Variants in PITPNM2 observed in about 807,000 individuals in gnomAD.
The protein encoded by PITPNM2 is phosphatidylinositol transfer protein membrane associated 2, also known as membrane-associated phosphatidylinositol transfer protein 2.
PITPNM2 carries 35 observed loss-of-function variants against 132.2 expected under a neutral mutation model. The ratio of observed to expected loss-of-function variants is 0.26; its 90% confidence interval spans 0.20 to 0.35. PITPNM2 has a LOEUF of 0.35. PITPNM2 is among the 10% of genes least tolerant of loss of function. PITPNM2 has a pLI of 1.00. For synonymous variants in PITPNM2, 738 were observed against 799.2 expected, an observed-to-expected ratio of 0.92 and a Z score of 1.29; for missense variants, 1,332 against 1,912.0, an observed-to-expected ratio of 0.70 and a Z score of 5.66.
At position 123,005,576 on chromosome 12, in the gene PITPNM2, G is replaced by C. The variant is rs552984772; in HGVS notation, c.644-28C>G. 29 of 1,598,232 alleles carry C rather than the reference G, an allele frequency of 1.8e-5. 1 individual carries two copies. In the Admixed American group the frequency reaches 3.0e-4, roughly 17 times the overall value. ...GTGCCCCATGGGGATCAGAGAGGGA[G>C]AGACGAGGGGAGGGAGGTCAGCGCA... On this transcript the variant is annotated intron_variant, in intron 6 of 25. Transcript: ENST00000320201. This position sits in a 1 kb window ranked among gnomAD's most constrained non-coding sequence, Gnocchi z 6.2.
Position 122,986,846 on chromosome 12 carries a change from G to A in PITPNM2, c.3414-17C>T, listed in dbSNP as rs374573086. The A allele has an allele frequency of 8.5e-5, 136 of 1,592,854 alleles. No homozygotes were observed. The highest frequency in any genetic ancestry group is 1.6e-4 in the South Asian group (14 of 89,192). On this transcript the variant is annotated splice_polypyrimidine_tract_variant and intron_variant, in intron 23 of 25. Transcript: ENST00000320201. ...TGCCAGTGCCTGGGGGTGAGGTGTCGTCTCATGGTCACCCCTTCCTCCCTC... is the reference window on the plus strand; with the variant it reads ...TGCCAGTGCCTGGGGGTGAGGTGTCATCTCATGGTCACCCCTTCCTCCCTC...
chr12:123,018,919 GA>G (rs1448212944), intron 3 of PITPNM2, among the ~76,000 whole-genome samples: 7 of 151,826 alleles, frequency 4.6e-5, no homozygotes, highest in African/African-American at 1.7e-4. Context: ...AAGTAGCTGG[GA>G]TTACAGGCGT....
chr12:122,995,084 GCTTCAGGACAGCCCTGA>G, intron 14 of PITPNM2, 105 bp from the exon 15 acceptor site: 3 of 1,280,208 alleles, frequency 2.3e-6, no homozygotes, highest in Non-Finnish European at 3.2e-6. Context: ...GGGCCCACTG[GCTTCAGGACAGCCCTGA>G]GCTGGACCAC....
intron 8 of PITPNM2, among the ~76,000 whole-genome samples, chr12:123,002,780 A>G (rs982405325): frequency 6.6e-6 from 1 of 152,248 alleles, no homozygotes; most frequent in Non-Finnish European, 1.5e-5. Context: ...ACACCAGTGC[A>G]TGGTGATCAG....
chr12:123,025,039 A>G (rs906096081), intron 3 of PITPNM2, among the ~76,000 whole-genome samples: 18 of 152,328 alleles, frequency 1.2e-4, no homozygotes, highest in Admixed American at 7.2e-4. Flanking sequence ...GTCACCTCTA[A>G]GCATCTCTCT....
rs376534080 is a variant in PITPNM2, at chr12:123,012,741, G to A, written c.294-7C>T. Reference sequence around the variant, plus strand: ...CACGAAAGGACAGGTGAACCTGTGCGGAAAGGAAAGCACTCATCAGGACCT... The same window carrying A: ...CACGAAAGGACAGGTGAACCTGTGCAGAAAGGAAAGCACTCATCAGGACCT... On this transcript the variant is annotated splice_region_variant and splice_polypyrimidine_tract_variant and intron_variant, in intron 4 of 25. Coordinates refer to ENST00000320201, the MANE Select transcript of PITPNM2 (RefSeq NM_020845.3). The A allele has an allele frequency of 1.5e-4, 238 of 1,613,656 alleles. No homozygotes were observed. Among genetic ancestry groups the A allele is most frequent in the Middle Eastern group, 8.2e-4 (5 of 6,076 alleles).
At chr12:123,102,218 C>A (rs967822974) in intron 2 of PITPNM2, among the ~76,000 whole-genome samples, 2 of 152,194 alleles carry the variant, frequency 1.3e-5, no homozygotes, top group African/African-American at 2.4e-5. Flanking sequence ...AAGTGCTGAA[C>A]AACATGTGCT....
intron 2 of PITPNM2, chr12:123,105,606 G>A (rs2042690145): frequency 6.6e-6 from 1 of 152,212 alleles, no homozygotes; most frequent in Non-Finnish European, 1.5e-5. Flanking sequence ...AGCTCCTGCT[G>A]ACGACACCTG....
intron 3 of PITPNM2, among the ~76,000 whole-genome samples, chr12:123,016,396 A>G (rs1489002196): frequency 2.7e-5 from 4 of 150,562 alleles, no homozygotes; most frequent in Admixed American, 2.0e-4. Flanking sequence ...GCTCACTGCA[A>G]TCTCCGCCTC....
chr12:123,005,661 C>T lies in PITPNM2; in HGVS notation c.644-113G>A, dbSNP rs189502646. ...GCTTTGGGAGGCTGTACCCATGTTGCAGGTCAAACTAAAGTCACTGCCTGT... is the reference window on the plus strand; with the variant it reads ...GCTTTGGGAGGCTGTACCCATGTTGTAGGTCAAACTAAAGTCACTGCCTGT... On this transcript the variant is annotated intron_variant, in intron 6 of 25. Coordinates refer to ENST00000320201, the MANE Select transcript of PITPNM2 (RefSeq NM_020845.3). The surrounding 1 kb of genome is among the most constrained non-coding windows in gnomAD (Gnocchi z 6.2). The T allele has an allele frequency of 8.2e-4, 863 of 1,051,490 alleles. 11 individuals carry two copies. In the African/African-American group the frequency reaches 0.012, roughly 15 times the overall value. The allele number at this position is 1,051,490 out of a possible 1,614,324, so 65.1% of individuals were successfully genotyped here. A position where few individuals can be genotyped will look rare whatever the true frequency, so the allele number is the denominator to read the frequency against.
intron 2 of PITPNM2, among the ~76,000 whole-genome samples, chr12:123,079,955 C>G (rs2041909392): frequency 6.6e-6 from 1 of 152,208 alleles, no homozygotes; most frequent in African/African-American, 2.4e-5. Context: ...TGTCAACAAC[C>G]AATCTACTCT....
At chr12:123,145,589 G>C (rs1194228079) in intron 1 of PITPNM2, among the ~76,000 whole-genome samples, 1 of 152,188 alleles carries the variant, frequency 6.6e-6, no homozygotes. Flanking sequence ...TCAACAAGGA[G>C]AGTGTGAAAC....
At chr12:123,002,167 G>A (rs1332840898) in intron 8 of PITPNM2, among the ~76,000 whole-genome samples, 4 of 147,840 alleles carry the variant, frequency 2.7e-5, no homozygotes, top group Admixed American at 6.8e-5. Flanking sequence ...GCAAAACCCC[G>A]TCTACTAAAA....
chr12:122,990,390 G>T (rs1594120784), intron 17 of PITPNM2, among the ~76,000 whole-genome samples, 155 bp downstream of exon 17: 1 of 152,242 alleles, frequency 6.6e-6, no homozygotes, highest in East Asian at 1.9e-4. Flanking sequence ...CACTGCAGGT[G>T]CCCAGCAGCC....
chr12:123,120,304 T>C (rs1329616688), intron 1 of PITPNM2, among the ~76,000 whole-genome samples: 1 of 152,148 alleles, frequency 6.6e-6, no homozygotes, highest in East Asian at 1.9e-4. Flanking sequence ...GTGTTTTGGC[T>C]GTGAAAGGAG....
chr12:123,069,035 T>G (rs138910592), intron 2 of PITPNM2, among the ~76,000 whole-genome samples: 1 of 152,206 alleles, frequency 6.6e-6, no homozygotes, highest in East Asian at 1.9e-4. Flanking sequence ...GGAGGATTGC[T>G]TGAGACCAGG....
chr12:123,016,263 T>G (rs1592945291), intron 3 of PITPNM2, among the ~76,000 whole-genome samples: 1 of 150,200 alleles, frequency 6.7e-6, no homozygotes, highest in East Asian at 2.0e-4. Context: ...GAGGCAGAGG[T>G]TGCAGTGAGC....
At chr12:123,002,540 G>C (rs866334473) in intron 8 of PITPNM2, among the ~76,000 whole-genome samples, 17 of 151,960 alleles carry the variant, frequency 1.1e-4, no homozygotes, top group African/African-American at 4.1e-4. Context: ...AGCCTCCCGA[G>C]TAGCTGGAAC....
intron 3 of PITPNM2, among the ~76,000 whole-genome samples, chr12:123,029,878 G>A (rs2040015776): frequency 6.6e-6 from 1 of 151,038 alleles, no homozygotes; most frequent in Non-Finnish European, 1.5e-5. Flanking sequence ...ATGGGTGAGG[G>A]AGGGAGGAGC....
Sources: allele counts gnomAD v4.1 joint callset (sites outside exome capture counted in the v4.1 genomes callset), GRCh38; gene constraint gnomAD v4.1.1; non-coding constraint Gnocchi (gnomAD v3.1); transcripts MANE v1.5; gene names NCBI Gene and HGNC (gene_info 2026-07-23, HGNC 2026-07-21).